Variants in CECR2 observed in about 807,000 individuals in gnomAD.
The protein encoded by CECR2 is CECR2 histone acetyl-lysine reader.
A neutral mutation model predicts 154.5 loss-of-function variants in CECR2; 30 were observed. The ratio of observed to expected loss-of-function variants is 0.19; its 90% CI spans 0.15 to 0.26. The LOEUF is 0.26. Among genes scored for constraint, CECR2 ranks in the 10% least tolerant of loss-of-function variants. CECR2 has a pLI of 1.00. For synonymous variants in CECR2, 725 were observed against 683.7 expected (o/e 1.06, Z -0.94); for missense variants, 1,743 against 1,829.3 (o/e 0.95, Z 0.86).
intron 1 of CECR2, among the ~76,000 whole-genome samples, chr22:17,427,579 A>G (rs1408778305): frequency 6.6e-6 from 1 of 152,068 alleles, no homozygotes; most frequent in African/African-American, 2.4e-5. Context: ...AGACCCTTGC[A>G]GTGAGTGTTA....
intron 18 of CECR2, among the ~76,000 whole-genome samples, chr22:17,552,384 A>AT (rs2056721897): frequency 6.6e-6 from 1 of 152,004 alleles, no homozygotes; most frequent in South Asian, 2.1e-4. Context: ...TTTAAACCTC[A>AT]TTTTTTCCAA....
chr22:17,501,799 G>A (rs1356718623), intron 5 of CECR2, among the ~76,000 whole-genome samples: 1 of 152,098 alleles, frequency 6.6e-6, no homozygotes, highest in Non-Finnish European at 1.5e-5. Context: ...TTCCCCATAA[G>A]TATCAAGAAT....
chr22:17,541,938 G>T lies in CECR2; in HGVS notation c.1984G>T (p.Val662Leu), dbSNP rs1366065586. ...GVPEPHPGEP[V>L]QQRQPFTMQP... is the part of the protein sequence containing the mutation. ...CCCGGAGCCACACCCCGGGGAGCCT[G>T]TGCAGCAGCGTCAGCCTTTCACCAT... The change falls in exon 15 of 19, where the codon GTG becomes TTG. Residue 662 changes from valine to leucine, a missense_variant. Val to Leu is a conservative substitution (Grantham distance 32). Coordinates refer to ENST00000262608, the MANE Select transcript of CECR2 (RefSeq NM_001290047.2). 1 of 1,613,956 alleles carries T rather than the reference G, an allele frequency of 6.2e-7. No individual in the cohort carries two copies. Among genetic ancestry groups the T allele is most frequent in the South Asian group, 1.1e-5 (1 of 91,080 alleles).
At chr22:17,444,969 G>A (rs369721850) in intron 1 of CECR2, among the ~76,000 whole-genome samples, 1 of 152,102 alleles carries the variant, frequency 6.6e-6, no homozygotes, top group African/African-American at 2.4e-5. Flanking sequence ...GAAAAATAAT[G>A]TGCTGATTTC....
intron 2 of CECR2, among the ~76,000 whole-genome samples, chr22:17,491,353 C>G (rs564408783): frequency 6.6e-6 from 1 of 152,036 alleles, no homozygotes; most frequent in African/African-American, 2.4e-5. Context: ...CTGGTCAGCA[C>G]TTGTTACTGT....
chr22:17,434,794 C>T (rs2054478429), intron 1 of CECR2, among the ~76,000 whole-genome samples: 1 of 152,218 alleles, frequency 6.6e-6, no homozygotes, highest in South Asian at 2.1e-4. Flanking sequence ...CAGTGAGTCT[C>T]ATCTTTTTAC....
chr22:17,495,827 A>C (rs1299559464), intron 2 of CECR2, among the ~76,000 whole-genome samples: 1 of 134,994 alleles, frequency 7.4e-6, no homozygotes, highest in African/African-American at 2.8e-5. Flanking sequence ...GCACCACTGC[A>C]CTCCAGCCTG....
intron 1 of CECR2, among the ~76,000 whole-genome samples, 193 bp from the exon 2 acceptor site, chr22:17,477,395 C>T (rs1464268976): frequency 6.6e-6 from 1 of 152,032 alleles, no homozygotes; most frequent in East Asian, 1.9e-4. Context: ...GAAATAAAAC[C>T]CTGGGAAAAA....
At chr22:17,447,299 C>T (rs929381906) in intron 1 of CECR2, among the ~76,000 whole-genome samples, 28 of 151,950 alleles carry the variant, frequency 1.8e-4, no homozygotes, top group Non-Finnish European at 4.1e-4. Context: ...ACTACAGGCA[C>T]CTGCCACCAC....
intron 2 of CECR2, among the ~76,000 whole-genome samples, chr22:17,496,634 T>G (rs1162854213): frequency 6.6e-6 from 1 of 152,248 alleles, no homozygotes; most frequent in African/African-American, 2.4e-5. Flanking sequence ...TGGAGGACTT[T>G]CTGCCTTTGT....
At chr22:17,534,022 G>A (rs2055450894) in intron 9 of CECR2, among the ~76,000 whole-genome samples, 1 of 151,850 alleles carries the variant, frequency 6.6e-6, no homozygotes, top group Non-Finnish European at 1.5e-5. Context: ...CCGAGCAAAG[G>A]GCATGAAAAC....
At chr22:17,514,226 C>T (rs181042862) in intron 8 of CECR2, among the ~76,000 whole-genome samples, 2 of 152,224 alleles carry the variant, frequency 1.3e-5, no homozygotes, top group East Asian at 1.9e-4. Context: ...TATTTTTGTC[C>T]GGACACTTTG....
intron 1 of CECR2, among the ~76,000 whole-genome samples, chr22:17,421,614 C>CAAAAAAAAAA (rs34156323): frequency 5.6e-4 from 13 of 23,374 alleles, no homozygotes; most frequent in East Asian, 3.7e-3. Flanking sequence ...GACTCCGTCT[C>CAAAAAAAAAA]AAAAAAAAAA....
At chr22:17,418,526 T>C (rs1011062408) in intron 1 of CECR2, among the ~76,000 whole-genome samples, 6 of 152,324 alleles carry the variant, frequency 3.9e-5, no homozygotes, top group African/African-American at 1.2e-4. Context: ...CTAATAGTTT[T>C]CTGTTTCTGT....
chr22:17,384,290 C>T (rs1257043574), intron 1 of CECR2, among the ~76,000 whole-genome samples: 1 of 152,084 alleles, frequency 6.6e-6, no homozygotes, highest in Non-Finnish European at 1.5e-5. Flanking sequence ...CGCTGTGTTG[C>T]CCAGACTGGT....
chr22:17,516,494 C>T (rs2056058657), intron 8 of CECR2, among the ~76,000 whole-genome samples: 1 of 152,086 alleles, frequency 6.6e-6, no homozygotes, highest in African/African-American at 2.4e-5. Flanking sequence ...AAATTGCAAT[C>T]CCCACATGTC....
At position 17,538,480 on chromosome 22, in the gene CECR2, G is replaced by A. The variant is rs767401217; in HGVS notation, c.1239-40G>A. 362 of 1,576,748 alleles carry A rather than the reference G, an allele frequency of 2.3e-4. 3 individuals carry two copies. In the East Asian group the frequency reaches 8.1e-3, roughly 35 times the overall value. On this transcript the variant is annotated intron_variant, in intron 10 of 18. Coordinates refer to ENST00000262608, the MANE Select transcript of CECR2 (RefSeq NM_001290047.2). ...CCTGAGAGAGCTCAGGAGAGAAGGT[G>A]GTCAGAGTTACTATTAATTTCTTAT...
In CECR2 at chr22:17,409,810, C is replaced by T. The variant is rs2054038346; in HGVS notation, c.126+39901C>T. Among the ~76,000 whole-genome samples, 2 of 110,462 alleles carry T rather than the reference C, an allele frequency of 1.8e-5. 1 individual carries two copies. Among genetic ancestry groups the T allele is most frequent in the Non-Finnish European group, 4.3e-5 (2 of 46,560 alleles). 72.5% of individuals were successfully genotyped at this position (110,462 alleles called of 152,430 possible). A position where few individuals can be genotyped will look rare whatever the true frequency, so the allele number is the denominator to read the frequency against. ...TTGTATTTACAGTACCTAGAATTGT[C>T]CTATACATAGTAGATGTACTCAATA... On this transcript the variant is annotated intron_variant, in intron 1 of 18. Transcript: ENST00000262608.
At chr22:17,480,419 T>TACACACACACACACACACAC (rs55977287) in intron 2 of CECR2, among the ~76,000 whole-genome samples, 114 of 137,420 alleles carry the variant, frequency 8.3e-4, no homozygotes, top group East Asian at 6.1e-3. Context: ...TCATGTATAA[T>TACACACACACACACACACAC]ACACACACAC....
Sources: allele counts gnomAD v4.1 joint callset (sites outside exome capture counted in the v4.1 genomes callset), GRCh38; gene constraint gnomAD v4.1.1; transcripts MANE v1.5; gene names NCBI Gene and HGNC (gene_info 2026-07-23, HGNC 2026-07-21).